SUPT4H1: variants seen among roughly 807,000 people sequenced by gnomAD.
SUPT4H1 encodes the protein transcription elongation factor SPT4.
A neutral mutation model predicts 19.4 loss-of-function variants in SUPT4H1; 12 were observed. The observed-to-expected ratio is 0.62, with a 90% CI of 0.40 to 1.00. SUPT4H1 has a LOEUF of 1.00. Among genes scored for constraint, SUPT4H1 ranks in the 50% least tolerant of loss-of-function variants. The pLI, the probability that SUPT4H1 is intolerant of heterozygous loss-of-function variation, is 0.00. For synonymous variants in SUPT4H1, 58 were observed against 56.3 expected, an observed-to-expected ratio of 1.03 and a Z score of -0.14; for missense variants, 115 against 149.2, an observed-to-expected ratio of 0.77 and a Z score of 1.19.
intron 2 of SUPT4H1, among the ~76,000 whole-genome samples, chr17:58,350,676 A>C (rs1344055285): frequency 1.3e-5 from 2 of 151,462 alleles, no homozygotes; most frequent in Non-Finnish European, 1.5e-5. Context: ...TCTCTACTAA[A>C]GATATAAAAA....
At chr17:58,351,556 A>C (rs769673560) in intron 1 of SUPT4H1, 48 bp from the exon 2 acceptor site, 1 of 1,332,638 alleles carries the variant, frequency 7.5e-7, no homozygotes, top group South Asian at 1.2e-5. Flanking sequence ...AGCATGAACA[A>C]GACCAAGAGA....
rs1438046993 is a variant in SUPT4H1 at position 58,345,373 on chromosome 17, ATTT to A, written c.*870_*872del. 2 of 151,958 alleles carry A rather than the reference ATTT, an allele frequency of 1.3e-5. No individual in the cohort carries two copies. Among genetic ancestry groups the A allele is most frequent in the Non-Finnish European group, 2.9e-5 (2 of 67,996 alleles). The allele number at this position is 151,958 out of a possible 1,614,324, so 9.4% of individuals were successfully genotyped here. The stretch of plus-strand genomic sequence containing the variant: ...AAATTTAAATGAGAATTTGTGGTAA[ATTT>A]TTTTATCCTAAAACAACTCACCTTG... On this transcript the variant is annotated 3_prime_UTR_variant, in exon 5 of 5. Coordinates refer to ENST00000225504, the MANE Select transcript of SUPT4H1 (RefSeq NM_003168.3).
chr17:58,351,828 T>G (rs1045987235), intron 1 of SUPT4H1: 12 of 580,600 alleles, frequency 2.1e-5, no homozygotes, highest in Non-Finnish European at 3.4e-5. Context: ...CCAACGTAAG[T>G]TCACCGAACG....
intron 2 of SUPT4H1, among the ~76,000 whole-genome samples, chr17:58,348,962 C>T (rs888908923): frequency 1.3e-5 from 2 of 152,180 alleles, no homozygotes; most frequent in Non-Finnish European, 2.9e-5. Flanking sequence ...ATACAAATGG[C>T]TATAAGCACC....
chr17:58,345,880 A>G lies in SUPT4H1; in HGVS notation c.*366T>C, dbSNP rs773556319. 6.7e-5 allele frequency: 14 copies of G among 207,888 alleles called. No homozygotes were observed. The highest frequency in any genetic ancestry group is 9.9e-5 in the Non-Finnish European group (10 of 100,662). 12.9% of individuals were successfully genotyped at this position (207,888 alleles called of 1,614,324 possible). The stretch of plus-strand genomic sequence containing the variant: ...GGGCAAATAAGCTATTACTGTGCCT[A>G]AGAGAATGGAAGAGGGAGGCAAGGC... On this transcript the variant is annotated 3_prime_UTR_variant, in exon 5 of 5. Coordinates refer to ENST00000225504, the MANE Select transcript of SUPT4H1 (RefSeq NM_003168.3).
chr17:58,351,846 G>A, intron 1 of SUPT4H1: 1 of 593,758 alleles, frequency 1.7e-6, no homozygotes, highest in Non-Finnish European at 3.0e-6. Context: ...ACGTCTAAGA[G>A]CTGAGGATTC....
At chr17:58,351,279 C>G in intron 2 of SUPT4H1, 123 bp downstream of exon 2, 1 of 524,964 alleles carries the variant, frequency 1.9e-6, no homozygotes, top group Non-Finnish European at 3.3e-6. Flanking sequence ...AAAAAACCCA[C>G]ACAAAATAAC....
intron 2 of SUPT4H1, among the ~76,000 whole-genome samples, chr17:58,349,155 A>T (rs1355441949): frequency 1.3e-5 from 2 of 152,252 alleles, no homozygotes; most frequent in Non-Finnish European, 2.9e-5. Context: ...TTCCTCAAAA[A>T]ATTAAACACT....
At chr17:58,349,739 TATGA>T (rs1972417548) in intron 2 of SUPT4H1, among the ~76,000 whole-genome samples, 1 of 149,956 alleles carries the variant, frequency 6.7e-6, no homozygotes, top group African/African-American at 2.5e-5. Context: ...CATACTACAA[TATGA>T]ATGAACCTTG....
At chr17:58,346,948 T>TA (rs1325791175) in intron 4 of SUPT4H1, among the ~76,000 whole-genome samples, 2 of 151,614 alleles carry the variant, frequency 1.3e-5, no homozygotes, top group South Asian at 2.1e-4. Flanking sequence ...ACCTTGTCTC[T>TA]AAAAAAAATA....
Position 58,347,213 on chromosome 17 carries a change from C to T in SUPT4H1, c.261G>A (p.Val87=). The T allele has an allele frequency of 1.9e-6, 3 of 1,614,140 alleles. No individual in the cohort carries two copies. The highest frequency in any genetic ancestry group is 2.2e-5 in the East Asian group (1 of 44,884). Residue 87 remains valine (V), a synonymous_variant, in exon 4 of 5, where the codon GTG becomes GTA. Transcript: ENST00000225504. The part of the protein sequence containing the change: ...VSNFKPGVYA[V]SVTGRLPQGI... ...CTTGGGGCAGGCGACCAGTGACTGACACCGCATATACACCTGGCTTAAAGT... is the reference window on the plus strand; with the variant it reads ...CTTGGGGCAGGCGACCAGTGACTGATACCGCATATACACCTGGCTTAAAGT...
chr17:58,350,847 A>G (rs1041092060), intron 2 of SUPT4H1, among the ~76,000 whole-genome samples: 22 of 148,388 alleles, frequency 1.5e-4, no homozygotes, highest in African/African-American at 5.5e-4. Context: ...AAAAAAAAAA[A>G]AAAAAAAAAA....
chr17:58,352,160 G>C lies in SUPT4H1; in HGVS notation c.-25C>G. The C allele has an allele frequency of 1.9e-6, 3 of 1,612,596 alleles. No individual in the cohort carries two copies. The highest frequency in any genetic ancestry group is 2.5e-6 in the Non-Finnish European group (3 of 1,178,698). ...TCTTCGCCGATGGGAAGAACAACAG[G>C]GAGATAGACGACCACAGCCTGTGCA... On this transcript the variant is annotated 5_prime_UTR_variant, in exon 1 of 5. Transcript: ENST00000225504.
Position 58,346,279 on chromosome 17 carries a change from G to A in SUPT4H1, c.321C>T (p.Ala107=), listed in dbSNP as rs145308290. 6.2e-7 allele frequency: 1 copy of A among 1,614,036 alleles called. No homozygotes were observed. The highest frequency in any genetic ancestry group is 8.5e-7 in the Non-Finnish European group (1 of 1,179,976). ...IVRELKSRGV[A]YKSRDTAIKT ...TTATAGCTGTGTCTCTGGATTTGTA[G>A]GCCACTCCTCGACTTTTCAGCTCCC... Residue 107 remains alanine (A), a synonymous_variant, in exon 5 of 5, where the codon GCC becomes GCT. Transcript: ENST00000225504.
At chr17:58,347,037 T>C in intron 4 of SUPT4H1, 151 bp downstream of exon 4, 11 of 734,474 alleles carry the variant, frequency 1.5e-5, no homozygotes, top group East Asian at 2.6e-5. Context: ...CCTGGTGACC[T>C]CCAGCAAGTG....
chr17:58,349,304 A>T (rs1972401835), intron 2 of SUPT4H1, among the ~76,000 whole-genome samples: 1 of 152,234 alleles, frequency 6.6e-6, no homozygotes, highest in African/African-American at 2.4e-5. Context: ...TCAAATTTTA[A>T]ATTTTGTTCT....
At chr17:58,351,266 A>C (rs1474680388) in intron 2 of SUPT4H1, 136 bp downstream of exon 2, 1 of 606,778 alleles carries the variant, frequency 1.6e-6, no homozygotes, top group Non-Finnish European at 2.9e-6. Context: ...AAAAAAAAAA[A>C]AAAAAAAACC....
At chr17:58,347,337 G>A (rs1370337837) in intron 3 of SUPT4H1, 96 bp from the exon 4 acceptor site, 1 of 1,434,310 alleles carries the variant, frequency 7.0e-7, no homozygotes, top group African/African-American at 1.4e-5. Flanking sequence ...GCAACTCCAA[G>A]AGAAGAGCTA....
chr17:58,348,335 T>C (rs751411845), intron 2 of SUPT4H1, among the ~76,000 whole-genome samples: 40 of 152,190 alleles, frequency 2.6e-4, no homozygotes, highest in Non-Finnish European at 5.1e-4. Context: ...CACTGACATT[T>C]GTTGACTGCC....
Sources: gnomAD v4.1 joint callset for allele counts (sites outside exome capture counted in the v4.1 genomes callset) on GRCh38, gnomAD v4.1.1 for gene constraint, MANE v1.5 for transcripts, NCBI Gene and HGNC (gene_info 2026-07-23, HGNC 2026-07-21) for gene names.